The following SYTL3 variants were observed in gnomAD, a reference collection of about 807,000 sequenced individuals.
The protein encoded by SYTL3 is synaptotagmin like 3.
A neutral mutation model predicts 82.1 loss-of-function variants in SYTL3; 88 were observed. That is an observed-to-expected ratio of 1.07 (90% CI 0.90 to 1.28). The LOEUF is 1.28. Ranked by LOEUF, SYTL3 falls within the 50% of genes most tolerant of loss-of-function variation. The pLI, the probability that SYTL3 is intolerant of heterozygous loss-of-function variation, is 0.00. For synonymous variants in SYTL3, 311 were observed against 289.4 expected, an observed-to-expected ratio of 1.07 and a Z score of -0.76; for missense variants, 831 against 757.6, an observed-to-expected ratio of 1.10 and a Z score of -1.14.
intron 6 of SYTL3, among the ~76,000 whole-genome samples, chr6:158,699,630 ATTC>A (rs1182969176): frequency 6.6e-6 from 1 of 151,960 alleles, no homozygotes; most frequent in Non-Finnish European, 1.5e-5. Flanking sequence ...TGACTCACTT[ATTC>A]TTTTTTTATT....
At chr6:158,684,820 A>C (rs889571594) in intron 6 of SYTL3, among the ~76,000 whole-genome samples, 1 of 151,896 alleles carries the variant, frequency 6.6e-6, no homozygotes, top group Non-Finnish European at 1.5e-5. Flanking sequence ...TAAAAAAAAA[A>C]AAAAAAACGC....
At chr6:158,710,014 A>G (rs1223554220) in intron 8 of SYTL3, among the ~76,000 whole-genome samples, 1 of 152,250 alleles carries the variant, frequency 6.6e-6, no homozygotes, top group African/African-American at 2.4e-5. Flanking sequence ...CAGCCTGGGC[A>G]ACAGAGCGCG....
Position 158,762,144 on chromosome 6 carries a change from C to T in SYTL3, c.1483C>T (p.Arg495Trp), listed in dbSNP as rs142505302. Reference sequence around the variant, plus strand: ...GCTAGGAGCCAAGAATTTACCTGTGCGGCCAGATGGCACCTTGAACTCATT... The same window carrying T: ...GCTAGGAGCCAAGAATTTACCTGTGTGGCCAGATGGCACCTTGAACTCATT... ...VVLGAKNLPVRPDGTLNSFVK... is the reference protein window; with the variant it reads ...VVLGAKNLPVWPDGTLNSFVK... The change falls in exon 16 of 18, where the codon CGG (arginine) becomes TGG (tryptophan). Residue 495 changes from arginine to tryptophan, a missense_variant. Arg to Trp is a moderately radical substitution (Grantham distance 101, BLOSUM62 -3). Transcript: ENST00000611299. The T allele has an allele frequency of 1.7e-5, 28 of 1,613,544 alleles. No individual in the cohort carries two copies. The highest frequency in any genetic ancestry group is 2.1e-5 in the Non-Finnish European group (25 of 1,179,868).
chr6:158,748,164 T>G (rs1787911289), intron 12 of SYTL3, among the ~76,000 whole-genome samples: 1 of 152,086 alleles, frequency 6.6e-6, no homozygotes, highest in Admixed American at 6.6e-5. Context: ...GCCTCAGTTT[T>G]GCCTTTCTTT....
At chr6:158,748,628 T>G (rs1787964151) in intron 12 of SYTL3, among the ~76,000 whole-genome samples, 1 of 152,162 alleles carries the variant, frequency 6.6e-6, no homozygotes, top group Non-Finnish European at 1.5e-5. Context: ...GTGAATCACC[T>G]GAGGTCAGGA....
chr6:158,707,857 C>T (rs570921687), intron 7 of SYTL3, among the ~76,000 whole-genome samples: 4 of 152,340 alleles, frequency 2.6e-5, no homozygotes, highest in African/African-American at 4.8e-5. Flanking sequence ...TTTCCAATAT[C>T]GAGACTTTTT....
chr6:158,658,639 C>T (rs907292729), intron 2 of SYTL3, among the ~76,000 whole-genome samples: 3 of 152,064 alleles, frequency 2.0e-5, no homozygotes, highest in East Asian at 1.9e-4. Flanking sequence ...CAGAAGAGTA[C>T]GTCGGCCAGG....
rs144153455 is a variant in SYTL3, at chr6:158,747,446, C to T, written c.1034+1788C>T. Among the ~76,000 whole-genome samples the T allele has an allele frequency of 3.4e-3, 516 of 152,282 alleles. 2 individuals are homozygous for T. The highest frequency in any genetic ancestry group is 0.011 in the African/African-American group (462 of 41,554). On this transcript the variant is annotated intron_variant, in intron 12 of 17. Coordinates refer to ENST00000611299, the MANE Select transcript of SYTL3 (RefSeq NM_001242394.2). The stretch of plus-strand genomic sequence containing the variant: ...GTGCCACTATAGCTCACTGCAGCCT[C>T]AAAGTCCTAGTAGGCTCAAGGAATC...
At chr6:158,757,971 C>T (rs1379488427) in intron 14 of SYTL3, among the ~76,000 whole-genome samples, 1 of 151,906 alleles carries the variant, frequency 6.6e-6, no homozygotes, top group Non-Finnish European at 1.5e-5. Flanking sequence ...TGATGGACTC[C>T]ATTTAGGATC....
At chr6:158,755,885 G>T (rs572362284) in intron 13 of SYTL3, among the ~76,000 whole-genome samples, 1 of 152,194 alleles carries the variant, frequency 6.6e-6, no homozygotes, top group Non-Finnish European at 1.5e-5. Context: ...GTCAGTGCAC[G>T]TGAATCTGGC....
intron 11 of SYTL3, among the ~76,000 whole-genome samples, chr6:158,730,456 T>C (rs900833645): frequency 6.6e-6 from 1 of 152,232 alleles, no homozygotes; most frequent in Non-Finnish European, 1.5e-5. Context: ...TGTTTCTAAA[T>C]AAACATTTTA....
At chr6:158,725,404 G>GT in intron 10 of SYTL3, 99 bp from the exon 11 acceptor site, 1 of 1,377,560 alleles carries the variant, frequency 7.3e-7, no homozygotes, top group Non-Finnish European at 1.0e-6. Context: ...TTGCATGTTA[G>GT]TAACATCAAG....
chr6:158,696,295 G>A (rs1780547831), intron 6 of SYTL3, among the ~76,000 whole-genome samples: 1 of 151,806 alleles, frequency 6.6e-6, no homozygotes, highest in African/African-American at 2.4e-5. Context: ...TGCCTCCAGG[G>A]TTCAAGCGAT....
chr6:158,727,153 C>CT (rs1264391650), intron 11 of SYTL3, among the ~76,000 whole-genome samples: 1 of 150,820 alleles, frequency 6.6e-6, no homozygotes, highest in African/African-American at 2.4e-5. Context: ...CCCAGCTGAA[C>CT]TTTCTTTATT....
intron 5 of SYTL3, among the ~76,000 whole-genome samples, chr6:158,679,823 C>A (rs542813024): frequency 6.6e-6 from 1 of 152,294 alleles, no homozygotes; most frequent in East Asian, 1.9e-4. Flanking sequence ...GCACTTTCAC[C>A]TTTTGCTCTT....
At chr6:158,762,912 G>T (rs142641737) in intron 16 of SYTL3, among the ~76,000 whole-genome samples, 1 of 152,020 alleles carries the variant, frequency 6.6e-6, no homozygotes, top group Non-Finnish European at 1.5e-5. Context: ...ACAAAACTCC[G>T]TCTCAAAAAA....
At chr6:158,686,027 A>G (rs1026569530) in intron 6 of SYTL3, among the ~76,000 whole-genome samples, 1 of 152,170 alleles carries the variant, frequency 6.6e-6, no homozygotes, top group African/African-American at 2.4e-5. Flanking sequence ...TTCTAGCATC[A>G]TTATTTCAGG....
intron 12 of SYTL3, among the ~76,000 whole-genome samples, chr6:158,749,058 C>A (rs563011435): frequency 6.6e-6 from 1 of 151,444 alleles, no homozygotes; most frequent in Non-Finnish European, 1.5e-5. Flanking sequence ...CCCGTCTCTA[C>A]TAAAAATACA....
chr6:158,707,480 C>G (rs1211835819), intron 7 of SYTL3, among the ~76,000 whole-genome samples, 199 bp downstream of exon 7: 1 of 151,710 alleles, frequency 6.6e-6, no homozygotes, highest in Non-Finnish European at 1.5e-5. Context: ...GAGAAACCTT[C>G]TAGTTAGCAT....
Sources: gnomAD v4.1 joint callset for allele counts (sites outside exome capture counted in the v4.1 genomes callset) on GRCh38, gnomAD v4.1.1 for gene constraint, MANE v1.5 for transcripts, NCBI Gene and HGNC (gene_info 2026-07-23, HGNC 2026-07-21) for gene names.